Variants in GRM7 observed in about 807,000 individuals in gnomAD.
GRM7 encodes the protein metabotropic glutamate receptor 7.
GRM7 carries 35 observed loss-of-function variants against 84.5 expected under a neutral mutation model. The ratio of observed to expected loss-of-function variants is 0.41; its 90% CI spans 0.32 to 0.55. GRM7 has a LOEUF of 0.55. Among genes scored for constraint, GRM7 ranks in the 20% least tolerant of loss-of-function variants. The probability of loss-of-function intolerance (pLI) is 0.19; values close to 1 mark genes in which losing one functional copy is unlikely to be tolerated. For missense variants in GRM7, 1,003 were observed against 1,194.6 expected, an observed-to-expected ratio of 0.84 and a Z score of 2.36; for synonymous variants, 487 against 455.1, an observed-to-expected ratio of 1.07 and a Z score of -0.89.
At chr3:7,305,440 G>A (rs1700161072) in intron 3 of GRM7, among the ~76,000 whole-genome samples, 1 of 59,134 alleles carries the variant, frequency 1.7e-5, no homozygotes, top group Non-Finnish European at 5.0e-5. Context: ...CTGGTGCGCT[G>A]CACCCACTAA....
At chr3:6,893,450 C>T (rs1696048926) in intron 1 of GRM7, among the ~76,000 whole-genome samples, 1 of 152,146 alleles carries the variant, frequency 6.6e-6, no homozygotes, top group African/African-American at 2.4e-5. Flanking sequence ...CTAATTCGGC[C>T]TCTAACTCAT....
At chr3:6,985,090 G>A (rs1463570808) in intron 1 of GRM7, among the ~76,000 whole-genome samples, 2 of 151,670 alleles carry the variant, frequency 1.3e-5, no homozygotes, top group South Asian at 2.1e-4. Flanking sequence ...TTAAATTTTT[G>A]TAGGTACATA....
chr3:6,951,791 T>C (rs935004958), intron 1 of GRM7, among the ~76,000 whole-genome samples: 3 of 152,208 alleles, frequency 2.0e-5, no homozygotes, highest in Non-Finnish European at 4.4e-5. Flanking sequence ...TAGTTGATAG[T>C]GGGGTAAAAG....
intron 2 of GRM7, among the ~76,000 whole-genome samples, chr3:7,253,965 G>A (rs1698105904): frequency 6.6e-6 from 1 of 152,202 alleles, no homozygotes; most frequent in African/African-American, 2.4e-5. Context: ...AGTATTGTGA[G>A]CCCCTGTGGG....
intron 4 of GRM7, among the ~76,000 whole-genome samples, chr3:7,394,166 C>T (rs1695113531): frequency 6.6e-6 from 1 of 152,140 alleles, no homozygotes; most frequent in African/African-American, 2.4e-5. Context: ...ATGTCTGATT[C>T]CAAAAACTGC....
chr3:7,055,534 C>A (rs2124961627), intron 1 of GRM7, among the ~76,000 whole-genome samples: 1 of 148,552 alleles, frequency 6.7e-6, no homozygotes, highest in Non-Finnish European at 1.5e-5. Flanking sequence ...CATACACACA[C>A]ATTTAAGACA....
chr3:7,189,487 A>G (rs1267354126), intron 2 of GRM7, among the ~76,000 whole-genome samples: 1 of 152,212 alleles, frequency 6.6e-6, no homozygotes, highest in East Asian at 1.9e-4. Flanking sequence ...GCATATAGCA[A>G]ATGCTCAATA....
At chr3:6,932,660 G>C (rs1297978265) in intron 1 of GRM7, among the ~76,000 whole-genome samples, 1 of 152,006 alleles carries the variant, frequency 6.6e-6, no homozygotes, top group East Asian at 1.9e-4. Flanking sequence ...ATCATATCGG[G>C]AGGTCACATA....
At chr3:6,934,043 C>T (rs558942527) in intron 1 of GRM7, among the ~76,000 whole-genome samples, 17 of 152,292 alleles carry the variant, frequency 1.1e-4, no homozygotes, top group Non-Finnish European at 2.2e-4. Flanking sequence ...GTGTGACTGA[C>T]AAACTCACTC....
At chr3:7,080,849 A>G (rs913370683) in intron 1 of GRM7, among the ~76,000 whole-genome samples, 1 of 152,044 alleles carries the variant, frequency 6.6e-6, no homozygotes, top group Non-Finnish European at 1.5e-5. Context: ...TGCGTGTCCT[A>G]TACTTAGATA....
chr3:7,256,804 T>G (rs9816846), intron 2 of GRM7, among the ~76,000 whole-genome samples: 1 of 152,162 alleles, frequency 6.6e-6, no homozygotes, highest in African/African-American at 2.4e-5. Flanking sequence ...GAAACAGAGA[T>G]AGTTTAATAA....
intron 1 of GRM7, among the ~76,000 whole-genome samples, chr3:6,877,338 A>G (rs921349805): frequency 6.6e-6 from 1 of 152,238 alleles, no homozygotes; most frequent in African/African-American, 2.4e-5. Context: ...AGGATACAGC[A>G]GCACACTTGG....
At chr3:7,698,776 C>T (rs964836864) in intron 9 of GRM7, among the ~76,000 whole-genome samples, 26 of 152,144 alleles carry the variant, frequency 1.7e-4, no homozygotes, top group African/African-American at 5.8e-4. Context: ...TTTCTGAGGG[C>T]ACAATTACTC....
At chr3:7,539,465 C>T (rs140464477) in intron 7 of GRM7, among the ~76,000 whole-genome samples, 188 of 142,786 alleles carry the variant, frequency 1.3e-3, no homozygotes, top group African/African-American at 2.9e-3. Context: ...TCATGAGGTC[C>T]GGAGTTCAAG....
chr3:6,893,311 A>G (rs548539220), intron 1 of GRM7, among the ~76,000 whole-genome samples: 1 of 152,282 alleles, frequency 6.6e-6, no homozygotes, highest in Admixed American at 6.5e-5. Context: ...GTGTGGTTGA[A>G]CTAAGATGTC....
chr3:7,139,625 T>A (rs1693880956), intron 1 of GRM7, among the ~76,000 whole-genome samples: 1 of 151,954 alleles, frequency 6.6e-6, no homozygotes, highest in Admixed American at 6.6e-5. Context: ...AAATACATTT[T>A]CTTCTCCAAA....
chr3:7,244,569 T>A (rs1697686273), intron 2 of GRM7, among the ~76,000 whole-genome samples: 1 of 152,060 alleles, frequency 6.6e-6, no homozygotes, highest in Non-Finnish European at 1.5e-5. Flanking sequence ...AGCACCTTAT[T>A]TTAAACTCCA....
chr3:7,255,589 C>G (rs1043503016), intron 2 of GRM7, among the ~76,000 whole-genome samples: 8 of 152,118 alleles, frequency 5.3e-5, no homozygotes, highest in Non-Finnish European at 1.2e-4. Flanking sequence ...AGAACAAAAT[C>G]CAAAATGACC....
At chr3:7,527,583 T>A (rs1201956311) in intron 7 of GRM7, among the ~76,000 whole-genome samples, 2 of 152,028 alleles carry the variant, frequency 1.3e-5, no homozygotes, top group East Asian at 3.9e-4. Flanking sequence ...AGTGAGAGAG[T>A]AGACATCCTT....
Sources: gnomAD v4.1 joint callset for allele counts (sites outside exome capture counted in the v4.1 genomes callset) on GRCh38, gnomAD v4.1.1 for gene constraint, MANE v1.5 for transcripts, NCBI Gene and HGNC (gene_info 2026-07-23, HGNC 2026-07-21) for gene names.